The following SPG11 variants were observed in gnomAD, a reference collection of about 807,000 sequenced individuals.
SPG11 encodes spatacsin.
SPG11 carries 222 observed loss-of-function variants against 274.0 expected under a neutral mutation model. The ratio of observed to expected loss-of-function variants is 0.81; its 90% CI spans 0.73 to 0.91. The LOEUF (loss-of-function observed/expected upper bound fraction) is 0.91. Ranked by LOEUF, SPG11 falls within the 40% of genes least tolerant of loss-of-function variation. SPG11 has a pLI of 0.00. For missense variants in SPG11, 3,114 were observed against 2,872.7 expected, an observed-to-expected ratio of 1.08 and a Z score of -1.92; for synonymous variants, 1,144 against 1,039.7, an observed-to-expected ratio of 1.10 and a Z score of -1.93.
chr15:44,618,252 T>C (rs1291085119), intron 15 of SPG11, among the ~76,000 whole-genome samples: 2 of 151,584 alleles, frequency 1.3e-5, no homozygotes, highest in Non-Finnish European at 2.9e-5. Context: ...CTCACGCCTG[T>C]AATCCCAGCA....
chr15:44,585,882 A>G, intron 28 of SPG11, 32 bp from the exon 29 acceptor site: 3 of 1,593,648 alleles, frequency 1.9e-6, no homozygotes, highest in Non-Finnish European at 2.6e-6. Context: ...ATAAACATTT[A>G]GTCAATAAAA....
intron 20 of SPG11, among the ~76,000 whole-genome samples, chr15:44,604,852 C>T (rs1355023018): frequency 3.7e-5 from 5 of 136,194 alleles, no homozygotes; most frequent in Admixed American, 8.5e-5. Context: ...GGCATGAACC[C>T]GGGAGGCACA....
intron 2 of SPG11, 22 bp from the exon 3 acceptor site, chr15:44,659,325 T>C (rs1370272243): frequency 1.3e-6 from 2 of 1,588,508 alleles, no homozygotes; most frequent in South Asian, 2.2e-5. Context: ...AAGGATATTA[T>C]TTCAAACTCA....
chr15:44,611,890 C>G (rs1253167819), intron 17 of SPG11, among the ~76,000 whole-genome samples: 6 of 143,116 alleles, frequency 4.2e-5, no homozygotes, highest in African/African-American at 1.6e-4. Context: ...ACTGCAAGCT[C>G]CACCTCCCCA....
At chr15:44,565,606 C>T (rs554570619) in intron 38 of SPG11, among the ~76,000 whole-genome samples, 1 of 152,318 alleles carries the variant, frequency 6.6e-6, no homozygotes, top group Admixed American at 6.5e-5. Context: ...AGGTGTCTGC[C>T]TCTCTGCTGG....
intron 24 of SPG11, 124 bp downstream of exon 24, chr15:44,596,660 C>CAAAAAAAA (rs5812279): frequency 2.2e-5 from 6 of 271,398 alleles, no homozygotes; most frequent in Admixed American, 6.5e-5. Flanking sequence ...GTATCCTGGT[C>CAAAAAAAA]AAAAAAAAAA....
chr15:44,583,662 C>G (rs1455582443), intron 30 of SPG11, 152 bp downstream of exon 30: 1 of 823,082 alleles, frequency 1.2e-6, no homozygotes, highest in Non-Finnish European at 2.0e-6. Context: ...ATTTCATTGC[C>G]TAGTTAATTG....
chr15:44,573,576 C>T lies in SPG11; in HGVS notation c.6176G>A (p.Arg2059Gln), dbSNP rs757619567. 1.4e-5 allele frequency: 22 copies of T among 1,614,018 alleles called. No homozygotes were observed. The highest frequency in any genetic ancestry group is 1.7e-5 in the Admixed American group (1 of 59,996). ...VAELVAEEVT[R>Q]ELLTSSQGTG... The stretch of plus-strand genomic sequence containing the variant: ...TCCCTGTGATGAAGTAAGCAGCTCC[C>T]GTGTCACCTCTTCTGCCACGAGTTC... Residue 2059 changes from arginine to glutamine, a missense_variant, in exon 32 of 40, where the codon CGG becomes CAG. Physicochemically the swap from Arg to Gln is conservative, Grantham distance 43. Coordinates refer to ENST00000261866, the MANE Select transcript of SPG11 (RefSeq NM_025137.4).
At chr15:44,606,229 C>A in intron 19 of SPG11, 138 bp from the exon 20 acceptor site, 1 of 673,740 alleles carries the variant, frequency 1.5e-6, no homozygotes, top group South Asian at 1.7e-5. Context: ...GACATAAATT[C>A]TTTGAACACA....
chr15:44,574,988 C>T lies in SPG11; in HGVS notation c.5920G>A (p.Val1974Ile). 1 of 1,614,090 alleles carries T rather than the reference C, an allele frequency of 6.2e-7. No individual in the cohort carries two copies. The change falls in exon 31 of 40, where the codon GTA (valine) becomes ATA (isoleucine). Residue 1974 changes from valine (V) to isoleucine (I), a missense_variant. By Grantham distance (29) the Val-to-Ile change is conservative. Transcript: ENST00000261866. ...FVTVPSSNEVVTNLEVLTSKC... is the reference protein window; with the variant it reads ...FVTVPSSNEVITNLEVLTSKC... ...CTTGTCAGCACTTCCAGGTTAGTTACCACTTCATTACTGGAGGGCACTGTC... is the reference window on the plus strand; with the variant it reads ...CTTGTCAGCACTTCCAGGTTAGTTATCACTTCATTACTGGAGGGCACTGTC...
At position 44,575,037 on chromosome 15, in the gene SPG11, T is replaced by A; in HGVS notation, c.5871A>T (p.Ser1957=). Residue 1957 remains serine (S), a synonymous_variant, in exon 31 of 40, where the codon TCA becomes TCT. Coordinates refer to ENST00000261866, the MANE Select transcript of SPG11 (RefSeq NM_025137.4). ...DIPLRRVHST[S]SLDSQKFVTV... is the part of the protein sequence containing the mutation. ...TCACAAACTTCTGACTATCCAGACT[T>A]GAAGCTGGAAGCAAATACAAGTCTG... The A allele has an allele frequency of 6.2e-7, 1 of 1,613,916 alleles. No homozygotes were observed. Among genetic ancestry groups the A allele is most frequent in the Non-Finnish European group, 8.5e-7 (1 of 1,179,998 alleles).
intron 7 of SPG11, among the ~76,000 whole-genome samples, chr15:44,646,691 C>T (rs1226848935): frequency 1.3e-5 from 2 of 152,138 alleles, no homozygotes; most frequent in Admixed American, 1.3e-4. Context: ...ACGGATGGAG[C>T]TAGAGGCCAT....
chr15:44,588,599 C>A (rs1194051537), intron 28 of SPG11: 1 of 414,510 alleles, frequency 2.4e-6, no homozygotes, highest in African/African-American at 2.1e-5. Flanking sequence ...TGCATAGCTT[C>A]AGTGACAGAT....
chr15:44,636,925 C>CAAAAAAAAAAAAAAAA lies in SPG11; in HGVS notation c.1603-3304_1603-3289dup, dbSNP rs370928375. 1.1e-3 allele frequency among the ~76,000 whole-genome samples: 21 copies of CAAAAAAAAAAAAAAAA among 19,440 alleles called. 2 individuals are homozygous for CAAAAAAAAAAAAAAAA. The highest frequency in any genetic ancestry group is 1.2e-3 in the Non-Finnish European group (15 of 12,524). 12.8% of individuals were successfully genotyped at this position (19,440 alleles called of 152,430 possible). On this transcript the variant is annotated intron_variant, in intron 7 of 39. Transcript: ENST00000261866. Reference sequence around the variant, plus strand: ...TGGGCAACAGAGCAAGACTCCATCTCAAAAAAAAAAAAAAAAAAAAAAAAA... The same window carrying CAAAAAAAAAAAAAAAA: ...TGGGCAACAGAGCAAGACTCCATCTCAAAAAAAAAAAAAAAAAAAAAAAAAAAAAAAAAAAAAAAAA...
chr15:44,568,128 G>T (rs1204188333), intron 35 of SPG11, among the ~76,000 whole-genome samples: 1 of 152,200 alleles, frequency 6.6e-6, no homozygotes, highest in African/African-American at 2.4e-5. Context: ...TCAGGTACAT[G>T]TGCAAAGAAG....
rs117101120 is a variant in SPG11 at position 44,663,356 on chromosome 15, C to T, written c.257+35G>A. 16,792 of 1,595,322 alleles carry T rather than the reference C, an allele frequency of 0.011. 351 individuals carry two copies. Among genetic ancestry groups the T allele is most frequent in the East Asian group, 0.077 (3,339 of 43,334 alleles). On this transcript the variant is annotated intron_variant, in intron 1 of 39. Transcript: ENST00000261866. ...CAGTCAGCCGAGCCTAGGCTCTGGACTCCCCCAACGGCCCAACTCTCCCTC... is the reference window on the plus strand; with the variant it reads ...CAGTCAGCCGAGCCTAGGCTCTGGATTCCCCCAACGGCCCAACTCTCCCTC...
intron 30 of SPG11, among the ~76,000 whole-genome samples, chr15:44,582,276 G>A (rs751366016): frequency 3.9e-5 from 6 of 152,140 alleles, no homozygotes; most frequent in East Asian, 1.9e-4. Flanking sequence ...GGCCGGGCAC[G>A]GTGGCTCAAG....
chr15:44,630,857 C>T (rs1266809390), intron 8 of SPG11, among the ~76,000 whole-genome samples: 6 of 152,010 alleles, frequency 3.9e-5, no homozygotes, highest in Non-Finnish European at 5.9e-5. Context: ...GGATCATAGG[C>T]GTGAGACACT....
At chr15:44,637,232 G>A (rs1048385656) in intron 7 of SPG11, among the ~76,000 whole-genome samples, 3 of 152,168 alleles carry the variant, frequency 2.0e-5, no homozygotes, top group Non-Finnish European at 2.9e-5. Flanking sequence ...TCTCATAGTG[G>A]TTAAGAAGGA....
Sources: gnomAD v4.1 joint callset for allele counts (sites outside exome capture counted in the v4.1 genomes callset) on GRCh38, gnomAD v4.1.1 for gene constraint, MANE v1.5 for transcripts, NCBI Gene and HGNC (gene_info 2026-07-23, HGNC 2026-07-21) for gene names.